NCKAP5: variants seen among roughly 807,000 people sequenced by gnomAD.
The protein encoded by NCKAP5 is NCK associated protein 5, also known as nck-associated protein 5.
In NCKAP5, 92 loss-of-function variants were observed where a neutral mutation model predicts 167.0. The ratio of observed to expected loss-of-function variants is 0.55; its 90% confidence interval spans 0.47 to 0.66. The LOEUF is 0.66. Among genes scored for constraint, NCKAP5 ranks in the 30% least tolerant of loss-of-function variants. The probability of loss-of-function intolerance (pLI) is 0.00; values close to 1 mark genes in which losing one functional copy is unlikely to be tolerated. For synonymous variants in NCKAP5, 891 were observed against 877.4 expected, an observed-to-expected ratio of 1.02 and a Z score of -0.27; for missense variants, 2,378 against 2,315.0, an observed-to-expected ratio of 1.03 and a Z score of -0.56.
intron 3 of NCKAP5, among the ~76,000 whole-genome samples, chr2:133,472,562 C>T (rs919105190): frequency 3.3e-5 from 5 of 152,084 alleles, no homozygotes; most frequent in Admixed American, 6.6e-5. Flanking sequence ...TCCTTCCACA[C>T]GTCTCTTCGG....
chr2:132,705,386 C>T (rs1231023872), intron 19 of NCKAP5, among the ~76,000 whole-genome samples: 1 of 152,124 alleles, frequency 6.6e-6, no homozygotes, highest in Non-Finnish European at 1.5e-5. Flanking sequence ...CTTGATCCCT[C>T]TCCAATCAGA....
chr2:133,108,820 C>A (rs2081809202), intron 6 of NCKAP5, among the ~76,000 whole-genome samples: 1 of 152,202 alleles, frequency 6.6e-6, no homozygotes, highest in Admixed American at 6.5e-5. Flanking sequence ...TTTCACTTAG[C>A]ATAGAGTCCT....
chr2:132,761,363 C>T (rs865791420), intron 16 of NCKAP5, among the ~76,000 whole-genome samples: 2 of 152,138 alleles, frequency 1.3e-5, no homozygotes, highest in Non-Finnish European at 1.5e-5. Context: ...GTGTTGAAAC[C>T]AAGAAAGTCC....
At chr2:133,406,071 C>T (rs1688407979) in intron 3 of NCKAP5, among the ~76,000 whole-genome samples, 1 of 152,216 alleles carries the variant, frequency 6.6e-6, no homozygotes, top group Non-Finnish European at 1.5e-5. Flanking sequence ...ATCATCTTTT[C>T]CCATCATGTT....
chr2:132,838,269 G>A (rs1342557746), intron 11 of NCKAP5, among the ~76,000 whole-genome samples: 1 of 152,072 alleles, frequency 6.6e-6, no homozygotes, highest in Non-Finnish European at 1.5e-5. Flanking sequence ...CCAATACTTA[G>A]GTTGTAGCTT....
the NCKAP5 span, among the ~76,000 whole-genome samples, chr2:133,603,203 T>G: frequency 6.8e-6 from 1 of 147,866 alleles, no homozygotes; most frequent in African/African-American, 2.5e-5. Flanking sequence ...CCTGATGGCA[T>G]CGGTTTTTTT....
chr2:133,111,719 T>C (rs773609865), intron 6 of NCKAP5, among the ~76,000 whole-genome samples: 9 of 152,216 alleles, frequency 5.9e-5, no homozygotes, highest in Non-Finnish European at 1.2e-4. Context: ...AACATCCAGA[T>C]AGCTGTTTCT....
At chr2:133,045,690 C>T (rs896724893) in intron 6 of NCKAP5, among the ~76,000 whole-genome samples, 2 of 152,074 alleles carry the variant, frequency 1.3e-5, no homozygotes, top group African/African-American at 4.8e-5. Flanking sequence ...AAATAAGGCA[C>T]AGTAAGAGAT....
intron 4 of NCKAP5, among the ~76,000 whole-genome samples, chr2:133,291,918 A>C (rs929216125): frequency 2.6e-5 from 4 of 152,208 alleles, no homozygotes; most frequent in Non-Finnish European, 4.4e-5. Flanking sequence ...ATAATACAAA[A>C]TTATACAGTG....
chr2:133,545,497 T>C (rs1360314181), intron 2 of NCKAP5, among the ~76,000 whole-genome samples: 4 of 152,170 alleles, frequency 2.6e-5, no homozygotes, highest in Admixed American at 1.3e-4. Context: ...TTTGTTTCCA[T>C]TGATCAGCAT....
chr2:132,838,335 A>C (rs961958919), intron 11 of NCKAP5, among the ~76,000 whole-genome samples: 4 of 152,050 alleles, frequency 2.6e-5, no homozygotes, highest in African/African-American at 9.7e-5. Flanking sequence ...TCTTCTAAAA[A>C]CTTAATGAAA....
chr2:133,359,906 T>C (rs574846129), intron 3 of NCKAP5, among the ~76,000 whole-genome samples: 104 of 152,338 alleles, frequency 6.8e-4, no homozygotes, highest in Admixed American at 1.0e-3. Context: ...TCTTCAATTA[T>C]ACAGACTTTT....
At chr2:133,671,551 C>T in the NCKAP5 span, among the ~76,000 whole-genome samples, 2 of 152,008 alleles carry the variant, frequency 1.3e-5, no homozygotes, top group Non-Finnish European at 1.5e-5. Context: ...GACTTGAGCT[C>T]GCATGTTCAG....
At chr2:133,014,670 C>G (rs1392347743) in intron 6 of NCKAP5, among the ~76,000 whole-genome samples, 1 of 152,212 alleles carries the variant, frequency 6.6e-6, no homozygotes, top group African/African-American at 2.4e-5. Context: ...TTACTGAGAT[C>G]TGGGTGCTGT....
intron 8 of NCKAP5, among the ~76,000 whole-genome samples, chr2:132,911,472 C>T (rs968357371): frequency 5.9e-5 from 9 of 152,030 alleles, no homozygotes; most frequent in African/African-American, 2.2e-4. Context: ...AAGTTTATGC[C>T]TCTCTTGTAT....
chr2:133,137,262 T>C (rs16857172), intron 5 of NCKAP5, among the ~76,000 whole-genome samples: 2,553 of 152,242 alleles, frequency 0.017, 76 homozygotes, highest in African/African-American at 0.058. Context: ...TAAAAACCCG[T>C]ACTCTTGGCT....
chr2:133,538,818 T>C (rs1194660980), intron 2 of NCKAP5, among the ~76,000 whole-genome samples: 1 of 151,526 alleles, frequency 6.6e-6, no homozygotes, highest in Non-Finnish European at 1.5e-5. Context: ...TTGATCTGCA[T>C]AGTAGAAGGA....
chr2:133,207,671 C>T (rs1472949385), intron 5 of NCKAP5, among the ~76,000 whole-genome samples: 1 of 150,806 alleles, frequency 6.6e-6, no homozygotes, highest in East Asian at 1.9e-4. Flanking sequence ...ACAACAACAA[C>T]AACAAAAAAC....
intron 16 of NCKAP5, among the ~76,000 whole-genome samples, chr2:132,749,113 A>T (rs1453717095): frequency 3.3e-5 from 5 of 152,090 alleles, no homozygotes; most frequent in Admixed American, 6.5e-5. Flanking sequence ...ATGAGGTTTT[A>T]TAGCTATTAT....
Sources: gnomAD v4.1 joint callset for allele counts (sites outside exome capture counted in the v4.1 genomes callset) on GRCh38, gnomAD v4.1.1 for gene constraint, MANE v1.5 for transcripts, NCBI Gene and HGNC (gene_info 2026-07-23, HGNC 2026-07-21) for gene names.